FAM13A: variants seen among roughly 807,000 people sequenced by gnomAD.
FAM13A encodes family with sequence similarity 13 member A, also known as protein FAM13A.
A neutral mutation model predicts 129.6 loss-of-function variants in FAM13A; 76 were observed. The ratio of observed to expected loss-of-function variants is 0.59; its 90% CI spans 0.49 to 0.71. FAM13A has a LOEUF of 0.71. Ranked by LOEUF, FAM13A falls within the 30% of genes least tolerant of loss-of-function variation. The pLI, the probability that FAM13A is intolerant of heterozygous loss-of-function variation, is 0.00. For synonymous variants in FAM13A, 443 were observed against 449.9 expected, an observed-to-expected ratio of 0.98 and a Z score of 0.20; for missense variants, 1,108 against 1,249.3, an observed-to-expected ratio of 0.89 and a Z score of 1.70.
At chr4:88,946,454 GTC>G (rs950113969) in intron 4 of FAM13A, among the ~76,000 whole-genome samples, 5 of 135,792 alleles carry the variant, frequency 3.7e-5, no homozygotes, top group African/African-American at 5.6e-5. Context: ...TCCCAACATG[GTC>G]TCTTTTATAG....
chr4:88,977,933 C>A (rs1761127531), intron 4 of FAM13A, among the ~76,000 whole-genome samples: 1 of 152,060 alleles, frequency 6.6e-6, no homozygotes, highest in Non-Finnish European at 1.5e-5. Flanking sequence ...CATCTCCAAT[C>A]AGTAATATTT....
intron 7 of FAM13A, among the ~76,000 whole-genome samples, chr4:88,833,344 C>T (rs1403741780): frequency 6.6e-6 from 1 of 152,106 alleles, no homozygotes; most frequent in Non-Finnish European, 1.5e-5. Context: ...TAAACCTGCA[C>T]ACCCTGCACA....
intron 5 of FAM13A, among the ~76,000 whole-genome samples, chr4:88,915,936 G>A (rs1750041470): frequency 1.3e-5 from 2 of 152,074 alleles, no homozygotes; most frequent in African/African-American, 4.8e-5. Context: ...TTTCCACCAT[G>A]AGTGGAAGCA....
At position 88,795,934 on chromosome 4, in the gene FAM13A, A is replaced by G. The variant is rs140164600; in HGVS notation, c.1050-5307T>C. On this transcript the variant is annotated intron_variant, in intron 8 of 23. Transcript: ENST00000264344. ...GTTATGATTATTAGTATCATCTCTCATTTTTCTCAAGCTTATCAAGAATTT... is the reference window on the plus strand; with the variant it reads ...GTTATGATTATTAGTATCATCTCTCGTTTTTCTCAAGCTTATCAAGAATTT... Among the ~76,000 whole-genome samples the G allele has an allele frequency of 4.7e-4, 72 of 151,666 alleles. 1 individual carries two copies. In the East Asian group the frequency reaches 0.014, roughly 29 times the overall value.
chr4:88,865,878 CTTTTTTTTTTTTTTTTTTT>C (rs34865210), intron 6 of FAM13A, among the ~76,000 whole-genome samples: 4 of 83,196 alleles, frequency 4.8e-5, no homozygotes, highest in Admixed American at 2.9e-4. Context: ...TTGTCTCTCT[CTTTTTTTTTTTTTTTTTTT>C]TTTTTTTTTT....
chr4:88,894,182 A>C, intron 6 of FAM13A, among the ~76,000 whole-genome samples: 1 of 152,244 alleles, frequency 6.6e-6, no homozygotes. Flanking sequence ...CAAGTTAAAG[A>C]TGCACATGCT....
intron 3 of FAM13A, among the ~76,000 whole-genome samples, chr4:89,005,805 A>C (rs1277370173): frequency 6.6e-6 from 1 of 152,082 alleles, no homozygotes; most frequent in Non-Finnish European, 1.5e-5. Flanking sequence ...TAGAGGCTGG[A>C]TATTAAACCT....
intron 7 of FAM13A, among the ~76,000 whole-genome samples, chr4:88,821,514 C>G (rs1052814661): frequency 1.1e-4 from 17 of 152,076 alleles, no homozygotes; most frequent in African/African-American, 2.7e-4. Context: ...AATGTTTTAA[C>G]AGTATAAAGA....
chr4:88,769,242 T>C (rs1210399051), intron 11 of FAM13A, among the ~76,000 whole-genome samples: 1 of 152,184 alleles, frequency 6.6e-6, no homozygotes, highest in African/African-American at 2.4e-5. Flanking sequence ...AGAAAACTAA[T>C]CTTTGGCTTC....
intron 6 of FAM13A, among the ~76,000 whole-genome samples, chr4:88,879,184 A>G (rs2150116869): frequency 6.6e-6 from 1 of 152,330 alleles, no homozygotes; most frequent in Admixed American, 6.5e-5. Context: ...TTTAGCACTT[A>G]AGAAACGCTG....
chr4:88,771,236 A>G (rs112795182), intron 11 of FAM13A, among the ~76,000 whole-genome samples: 2,990 of 151,360 alleles, frequency 0.02, 87 homozygotes, highest in African/African-American at 0.069. Context: ...CCATGGGCAC[A>G]ATACATTTTG....
intron 1 of FAM13A, among the ~76,000 whole-genome samples, chr4:89,053,667 C>A (rs17769356): frequency 0.14 from 20,710 of 151,990 alleles, 1,653 homozygotes; most frequent in Non-Finnish European, 0.18. Context: ...GAACTGGGGA[C>A]AAATCAGGTG....
chr4:88,837,086 C>T (rs1734943837), intron 7 of FAM13A, among the ~76,000 whole-genome samples: 1 of 151,712 alleles, frequency 6.6e-6, no homozygotes, highest in Non-Finnish European at 1.5e-5. Context: ...CCTCTGCCTC[C>T]AGGGTTTAAG....
rs1767120573 is a variant in FAM13A, at chr4:89,020,511, C to T, written c.376G>A (p.Asp126Asn). The T allele has an allele frequency of 6.2e-7, 1 of 1,614,078 alleles. No homozygotes were observed. The highest frequency in any genetic ancestry group is 8.5e-7 in the Non-Finnish European group (1 of 1,180,004). Residue 126 changes from aspartate to asparagine, a missense_variant, in exon 3 of 24, where the codon GAC becomes AAC. Physicochemically the swap from Asp to Asn is conservative, Grantham distance 23. Around this residue, in one of 3 missense-constraint regions of FAM13A, gnomAD observed 566 missense variants for 595.7 expected, o/e 0.95. Coordinates refer to ENST00000264344, the MANE Select transcript of FAM13A (RefSeq NM_014883.4). ...TGCAACGCTGAGGTGATCAGACTGT[C>T]AGGCAGCTCCCTCAGAAACAGCTTC... ...LLKLFLRELPDSLITSALQPR... is the reference protein window; with the variant it reads ...LLKLFLRELPNSLITSALQPR...
intron 10 of FAM13A, among the ~76,000 whole-genome samples, chr4:88,787,411 A>G (rs1380168175): frequency 1.3e-5 from 2 of 152,176 alleles, no homozygotes; most frequent in Non-Finnish European, 2.9e-5. Flanking sequence ...AGCAAGAAAA[A>G]AAATACCTCT....
rs374954541 is a variant in FAM13A, at chr4:88,927,201, A to AT, written c.759+10886dup. On this transcript the variant is annotated intron_variant, in intron 5 of 23. Transcript: ENST00000264344. The stretch of plus-strand genomic sequence containing the variant: ...CTTGTTTAAATATATTCCTATGTAT[A>AT]TTTTTTTTTTTGTATAGCTAGTAGT... 2.0e-3 allele frequency among the ~76,000 whole-genome samples: 288 copies of AT among 145,446 alleles called. 1 individual carries two copies. Among genetic ancestry groups the AT allele is most frequent in the African/African-American group, 4.0e-3 (160 of 39,894 alleles).
rs111974541 is a variant in FAM13A at position 88,884,977 on chromosome 4, A to G, written c.843+21402T>C. Among the ~76,000 whole-genome samples, 731 of 152,308 alleles carry G rather than the reference A, an allele frequency of 4.8e-3. 2 individuals carry two copies. Among genetic ancestry groups the G allele is most frequent in the Non-Finnish European group, 8.6e-3 (587 of 68,030 alleles). ...AAAGACCTCTACAAGGAAAACTACA[A>G]AACACTGCTGAAAGAAATCATAGAT... On this transcript the variant is annotated intron_variant, in intron 6 of 23. Transcript: ENST00000264344.
intron 5 of FAM13A, 139 bp downstream of exon 5, chr4:88,937,949 T>C (rs897984795): frequency 3.9e-5 from 24 of 621,080 alleles, no homozygotes; most frequent in Non-Finnish European, 5.9e-5. Context: ...GAATAATAGA[T>C]TTCATAAGAA....
At chr4:88,823,283 G>A (rs1327965598) in intron 7 of FAM13A, 8 of 1,236,936 alleles carry the variant, frequency 6.5e-6, no homozygotes, top group Non-Finnish European at 8.1e-6. Context: ...GAACCACCGG[G>A]CCAATCAGAG....
Sources: allele counts gnomAD v4.1 joint callset (sites outside exome capture counted in the v4.1 genomes callset), GRCh38; gene constraint gnomAD v4.1.1; regional missense constraint gnomAD v4.1.1; transcripts MANE v1.5; gene names NCBI Gene and HGNC (gene_info 2026-07-23, HGNC 2026-07-21).